ZNF536: variants seen among roughly 807,000 people sequenced by gnomAD.
ZNF536 encodes the protein zinc finger protein 536.
In ZNF536, 13 loss-of-function variants were observed where a neutral mutation model predicts 84.5. That is an observed-to-expected ratio of 0.15 (90% CI 0.10 to 0.24). The LOEUF (loss-of-function observed/expected upper bound fraction) is 0.24, where lower values mean the gene tolerates loss of function less well. Ranked by LOEUF, ZNF536 falls within the 10% of genes least tolerant of loss-of-function variation. The pLI, the probability that ZNF536 is intolerant of heterozygous loss-of-function variation, is 1.00. For missense variants in ZNF536, 1,536 were observed against 1,747.5 expected (o/e 0.88, Z 2.16); for synonymous variants, 811 against 742.5 (o/e 1.09, Z -1.50).
At chr19:30,292,661 G>A (rs565129945) in intron 2 of ZNF536, among the ~76,000 whole-genome samples, 2 of 151,582 alleles carry the variant, frequency 1.3e-5, no homozygotes, top group Admixed American at 6.7e-5. Flanking sequence ...CCTGAGGTCA[G>A]GTCCTAGTTG....
At chr19:30,497,638 A>AGG (rs1395597932) in intron 2 of ZNF536, among the ~76,000 whole-genome samples, 2 of 152,210 alleles carry the variant, frequency 1.3e-5, no homozygotes. Context: ...GGAGAAAGCA[A>AGG]GGGGGTGCCC....
At chr19:30,669,627 C>A (rs915053062) in intron 1 of ZNF536, among the ~76,000 whole-genome samples, 1 of 152,184 alleles carries the variant, frequency 6.6e-6, no homozygotes, top group African/African-American at 2.4e-5. Context: ...CAAGAGGGCG[C>A]CCGATCCTCG....
chr19:30,329,858 C>A (rs1168583955), intron 2 of ZNF536, among the ~76,000 whole-genome samples: 2 of 152,128 alleles, frequency 1.3e-5, no homozygotes, highest in Non-Finnish European at 2.9e-5. Context: ...ACTTTCTCTA[C>A]CAAATTTCTG....
intron 1 of ZNF536, among the ~76,000 whole-genome samples, chr19:30,256,555 C>T (rs1417286032): frequency 1.3e-5 from 2 of 152,200 alleles, no homozygotes; most frequent in Admixed American, 1.3e-4. Context: ...GGGCTTAACT[C>T]AGTCCTGCTT....
At chr19:30,576,689 G>T (rs62103418) in intron 1 of ZNF536, among the ~76,000 whole-genome samples, 2,165 of 152,310 alleles carry the variant, frequency 0.014, 25 homozygotes, top group Middle Eastern at 0.024. Flanking sequence ...ACAGTGTCCA[G>T]TCCCAGGGGA....
At chr19:30,273,012 A>G (rs186972800) in intron 1 of ZNF536, among the ~76,000 whole-genome samples, 1 of 152,270 alleles carries the variant, frequency 6.6e-6, no homozygotes, top group Admixed American at 6.5e-5. Context: ...TCCCAGGCTA[A>G]AGCAATCATC....
chr19:30,546,513 C>G (rs1406939077), intron 3 of ZNF536, among the ~76,000 whole-genome samples: 1 of 152,172 alleles, frequency 6.6e-6, no homozygotes, highest in Non-Finnish European at 1.5e-5. Flanking sequence ...CATGGCATCT[C>G]CTGCTCAGAA....
chr19:30,560,448 C>T (rs2046122713), downstream of ZNF536, among the ~76,000 whole-genome samples: 1 of 152,220 alleles, frequency 6.6e-6, no homozygotes. Flanking sequence ...CACCCATCCA[C>T]ATGTGGGATT....
At chr19:30,630,509 G>A (rs755612133) in intron 1 of ZNF536, among the ~76,000 whole-genome samples, 1 of 152,166 alleles carries the variant, frequency 6.6e-6, no homozygotes, top group Non-Finnish European at 1.5e-5. Flanking sequence ...TGAATTTCCT[G>A]GAAGAGAAAG....
chr19:30,566,134 G>A (rs1164985877), intron 1 of ZNF536, among the ~76,000 whole-genome samples: 3 of 152,218 alleles, frequency 2.0e-5, no homozygotes, highest in African/African-American at 4.8e-5. Flanking sequence ...GGGCAGCCTA[G>A]AGGAGAACTC....
At chr19:30,454,925 C>T (rs1245093320) in intron 2 of ZNF536, among the ~76,000 whole-genome samples, 1 of 152,102 alleles carries the variant, frequency 6.6e-6, no homozygotes, top group African/African-American at 2.4e-5. Flanking sequence ...CCCAGCTACT[C>T]GGGAGGCTGA....
At chr19:30,564,038 A>G (rs1207089718) in intron 1 of ZNF536, among the ~76,000 whole-genome samples, 2 of 152,184 alleles carry the variant, frequency 1.3e-5, no homozygotes, top group Admixed American at 6.5e-5. Flanking sequence ...CCCAAGGGCT[A>G]AGGGGACCAG....
chr19:30,456,667 C>G (rs182511193), intron 2 of ZNF536, among the ~76,000 whole-genome samples: 91 of 152,272 alleles, frequency 6.0e-4, no homozygotes, highest in African/African-American at 2.0e-3. Context: ...ATCATTAATT[C>G]ACTTATTTAT....
intron 1 of ZNF536, among the ~76,000 whole-genome samples, chr19:30,566,553 A>G (rs1175903829): frequency 3.3e-5 from 5 of 152,240 alleles, no homozygotes; most frequent in African/African-American, 1.2e-4. Context: ...GCATCTTGTC[A>G]CACCTAAGAT....
intron 2 of ZNF536, among the ~76,000 whole-genome samples, chr19:30,325,263 T>G (rs2046986573): frequency 6.6e-6 from 1 of 152,200 alleles, no homozygotes; most frequent in East Asian, 1.9e-4. Context: ...TAGAGGCGAT[T>G]TGCCTGTGAC....
chr19:30,492,368 G>C (rs375981374), intron 2 of ZNF536, among the ~76,000 whole-genome samples: 3 of 152,076 alleles, frequency 2.0e-5, no homozygotes, highest in Admixed American at 6.6e-5. Context: ...CATGTATCTC[G>C]TACAGTCAGA....
chr19:30,228,795 G>T lies in ZNF536; in HGVS notation c.-190+122G>T, dbSNP rs912018537. 1.3e-5 allele frequency: 2 copies of T among 151,178 alleles called. No individual in the cohort carries two copies. Among genetic ancestry groups the T allele is most frequent in the Non-Finnish European group, 3.0e-5 (2 of 67,742 alleles). The allele number at this position is 151,178 out of a possible 1,614,324, so 9.4% of individuals were successfully genotyped here. A position where few individuals can be genotyped will look rare whatever the true frequency, so the allele number is the denominator to read the frequency against. ...CGTGTGGGCGGCTGGGCGGCTGGGC[G>T]GCGGGAGGACGGCCTCCGCGGGCTC... On this transcript the variant is annotated intron_variant, in intron 1 of 5. Transcript: ENST00000585628. This position sits in a 1 kb window ranked among gnomAD's most constrained non-coding sequence, Gnocchi z 4.5.
chr19:30,674,234 T>C (rs1443353206), intron 1 of ZNF536, among the ~76,000 whole-genome samples: 1 of 152,166 alleles, frequency 6.6e-6, no homozygotes, highest in African/African-American at 2.4e-5. Flanking sequence ...CAGTGCTCCT[T>C]AAGGCACGTA....
chr19:30,548,955 C>T lies in ZNF536; in HGVS notation c.3336C>T (p.Tyr1112=), dbSNP rs2146228271. 1.2e-6 allele frequency: 2 copies of T among 1,614,144 alleles called. No homozygotes were observed. Among genetic ancestry groups the T allele is most frequent in the African/African-American group, 1.3e-5 (1 of 75,034 alleles). The change falls in exon 4 of 5, where the codon TAC becomes TAT. Residue 1112 remains tyrosine (Y), a synonymous_variant. Transcript: ENST00000355537. ...TTTGTAACTTCCCATCAGACTTCTA[C>T]AAGCAGTTTGGTGTTTACCCAGGCA... is the stretch of plus-strand genomic sequence containing the variant. ...PAFCNFPSDF[Y]KQFGVYPGMV...
Sources: gnomAD v4.1 joint callset for allele counts (sites outside exome capture counted in the v4.1 genomes callset) on GRCh38, gnomAD v4.1.1 for gene constraint, Gnocchi (gnomAD v3.1) non-coding constraint, MANE v1.5 for transcripts, NCBI Gene and HGNC (gene_info 2026-07-23, HGNC 2026-07-21) for gene names.